Variants in GNAO1 observed in about 807,000 individuals in gnomAD.
GNAO1 encodes the protein guanine nucleotide-binding protein G(o) subunit alpha.
For synonymous variants in GNAO1, 164 were observed against 180.7 expected (o/e 0.91, Z 0.74); for missense variants, 166 against 478.7 (o/e 0.35, Z 6.10).
At chr16:56,325,870 T>G (rs971715092) in intron 3 of GNAO1, among the ~76,000 whole-genome samples, 12 of 152,176 alleles carry the variant, frequency 7.9e-5, no homozygotes, top group Non-Finnish European at 1.5e-4. Context: ...GAGAGTCTTC[T>G]TCATGGGTTG....
intron 4 of GNAO1, chr16:56,329,066 C>A (rs1481483191): frequency 1.5e-5 from 6 of 399,780 alleles, no homozygotes; most frequent in Middle Eastern, 1.3e-3. Context: ...ACTGGCTTGT[C>A]CTGGAGAGTG....
Position 56,336,726 on chromosome 16 carries a change from T to C in GNAO1, c.594-5T>C. On this transcript the variant is annotated splice_polypyrimidine_tract_variant and splice_region_variant and intron_variant, in intron 5 of 8. Transcript: ENST00000262493. The stretch of plus-strand genomic sequence containing the variant: ...CTGCGCCTACCAGCTCCCTGCCTCC[T>C]ACAGGCTGTTTGACGTCGGAGGCCA... The C allele has an allele frequency of 2.5e-6, 4 of 1,608,704 alleles. 1 individual carries two copies. Among genetic ancestry groups the C allele is most frequent in the South Asian group, 2.2e-5 (2 of 90,236 alleles).
chr16:56,333,684 G>T (rs1365520639), intron 4 of GNAO1, among the ~76,000 whole-genome samples: 2 of 152,258 alleles, frequency 1.3e-5, no homozygotes, highest in African/African-American at 4.8e-5. Flanking sequence ...ACATCCATGA[G>T]CTGGTCAGCA....
intron 3 of GNAO1, among the ~76,000 whole-genome samples, chr16:56,317,512 G>A (rs1378569805): frequency 6.6e-6 from 1 of 152,202 alleles, no homozygotes; most frequent in Non-Finnish European, 1.5e-5. Flanking sequence ...ATGGGTGGGA[G>A]GCGAGTTGGA....
At chr16:56,219,526 GT>G (rs1338829328) in intron 2 of GNAO1, among the ~76,000 whole-genome samples, 2 of 151,974 alleles carry the variant, frequency 1.3e-5, no homozygotes, top group Admixed American at 6.6e-5. Context: ...TTTTAAAAGA[GT>G]TTTTTTTCTT....
At chr16:56,319,862 C>A (rs1444289176) in intron 3 of GNAO1, among the ~76,000 whole-genome samples, 3 of 152,104 alleles carry the variant, frequency 2.0e-5, no homozygotes, top group African/African-American at 4.8e-5. Flanking sequence ...TCTCCTTGCC[C>A]ACCCCTTTCT....
chr16:56,287,053 G>A (rs1371814000), intron 3 of GNAO1, among the ~76,000 whole-genome samples: 1 of 152,220 alleles, frequency 6.6e-6, no homozygotes, highest in Admixed American at 6.5e-5. Context: ...CAGCAAGCCA[G>A]CACTGCTGCT....
intron 2 of GNAO1, among the ~76,000 whole-genome samples, chr16:56,204,977 C>G (rs1261838182): frequency 4.6e-5 from 7 of 152,224 alleles, no homozygotes; most frequent in African/African-American, 1.4e-4. Flanking sequence ...GTTCTTGTGG[C>G]AAAGGAATTC....
intron 2 of GNAO1, among the ~76,000 whole-genome samples, chr16:56,230,304 C>T (rs1298290413): frequency 6.6e-6 from 1 of 152,172 alleles, no homozygotes; most frequent in Non-Finnish European, 1.5e-5. Flanking sequence ...CATTCGCCCC[C>T]TGTGCAAACA....
intron 3 of GNAO1, chr16:56,306,737 G>C (rs1354126611): frequency 6.6e-6 from 1 of 152,244 alleles, no homozygotes; most frequent in Non-Finnish European, 1.5e-5. Context: ...GGGGAGGCTT[G>C]GGTGGCATTT....
intron 2 of GNAO1, among the ~76,000 whole-genome samples, chr16:56,269,637 A>G (rs560305154): frequency 6.6e-6 from 1 of 152,290 alleles, no homozygotes; most frequent in South Asian, 2.1e-4. Context: ...GGATCATTAA[A>G]GGGATTGTGA....
intron 3 of GNAO1, among the ~76,000 whole-genome samples, chr16:56,294,505 T>A (rs1336297682): frequency 6.6e-6 from 1 of 152,188 alleles, no homozygotes; most frequent in Non-Finnish European, 1.5e-5. Flanking sequence ...ATCATTTGTT[T>A]GTCCGTCATC....
chr16:56,197,894 G>A (rs1205881952), intron 2 of GNAO1, among the ~76,000 whole-genome samples: 6 of 152,110 alleles, frequency 3.9e-5, no homozygotes, highest in African/African-American at 1.4e-4. Context: ...TTTCCGATAT[G>A]TGCTCAGCCC....
At chr16:56,316,212 A>G (rs1370247705) in intron 3 of GNAO1, among the ~76,000 whole-genome samples, 4 of 152,170 alleles carry the variant, frequency 2.6e-5, no homozygotes. Flanking sequence ...GGAAGAGGCC[A>G]GGAGCCCACG....
intron 2 of GNAO1, among the ~76,000 whole-genome samples, chr16:56,227,707 A>AG (rs1355700488): frequency 6.6e-6 from 1 of 151,560 alleles, no homozygotes; most frequent in Non-Finnish European, 1.5e-5. Context: ...AAAAAAAAAA[A>AG]AAAAAGAATT....
intron 2 of GNAO1, among the ~76,000 whole-genome samples, chr16:56,227,687 C>CAAAAA (rs386384777): frequency 2.4e-4 from 15 of 61,942 alleles, no homozygotes; most frequent in African/African-American, 3.0e-4. Flanking sequence ...GACCCTGTCT[C>CAAAAA]AAAAAAAAAA....
At chr16:56,294,739 TA>T in intron 3 of GNAO1, among the ~76,000 whole-genome samples, 1 of 152,170 alleles carries the variant, frequency 6.6e-6, no homozygotes, top group East Asian at 1.9e-4. Context: ...CAGCAACATA[TA>T]AGGATTCCTG....
At chr16:56,258,130 A>G (rs1273029715) in intron 2 of GNAO1, among the ~76,000 whole-genome samples, 2 of 152,240 alleles carry the variant, frequency 1.3e-5, no homozygotes, top group East Asian at 1.9e-4. Flanking sequence ...GACCTCTGCT[A>G]CGTGACTGCA....
intron 6 of GNAO1, among the ~76,000 whole-genome samples, chr16:56,349,625 A>G (rs1032850919): frequency 1.3e-5 from 2 of 152,230 alleles, no homozygotes; most frequent in African/African-American, 4.8e-5. Context: ...TAGGAGAGTG[A>G]TGAGATCATA....
Sources: gnomAD v4.1 joint callset for allele counts (sites outside exome capture counted in the v4.1 genomes callset) on GRCh38, gnomAD v4.1.1 for gene constraint, MANE v1.5 for transcripts, NCBI Gene and HGNC (gene_info 2026-07-23, HGNC 2026-07-21) for gene names.